The following VILL variants were observed in gnomAD, a reference collection of about 807,000 sequenced individuals.
VILL encodes villin-like protein.
Under a neutral mutation model 106.3 loss-of-function variants are expected in VILL, and 102 were observed. The observed-to-expected ratio is 0.96, with a 90% confidence interval of 0.82 to 1.13. The LOEUF (loss-of-function observed/expected upper bound fraction) is 1.13, where lower values mean the gene tolerates loss of function less well. VILL is among the 50% of genes most tolerant of loss of function. The pLI, the probability that VILL is intolerant of heterozygous loss-of-function variation, is 0.00. For synonymous variants in VILL, 431 were observed against 440.3 expected (o/e 0.98, Z 0.27); for missense variants, 1,076 against 1,116.6 (o/e 0.96, Z 0.52).
upstream of VILL, among the ~76,000 whole-genome samples, chr3:37,989,332 CG>C (rs1699583797): frequency 1.3e-5 from 2 of 152,070 alleles, no homozygotes; most frequent in South Asian, 4.1e-4. Context: ...GGGCAAGGTT[CG>C]GGGGAGTTGG....
In VILL at chr3:37,998,336, A is replaced by G; in HGVS notation, c.914A>G (p.Glu305Gly). The G allele has an allele frequency of 6.2e-7, 1 of 1,614,134 alleles. No homozygotes were observed. Among genetic ancestry groups the G allele is most frequent in the Non-Finnish European group, 8.5e-7 (1 of 1,179,996 alleles). ...CAGGGACGCATGTCTAGCCTCCAGG[A>G]GAGAAAGGCTGCCTTCAGCCGGGCT... ...VWQGRMSSLQ[E>G]RKAAFSRAVG... The change falls in exon 9 of 20, where the codon GAG becomes GGG. Residue 305 changes from glutamate (E) to glycine (G), a missense_variant. Transcript: ENST00000383759. This position sits in a 1 kb window ranked among gnomAD's most constrained non-coding sequence, Gnocchi z 4.1.
upstream of VILL, among the ~76,000 whole-genome samples, chr3:37,988,482 GT>G (rs1222759146): frequency 1.3e-5 from 2 of 152,208 alleles, no homozygotes; most frequent in African/African-American, 2.4e-5. Flanking sequence ...CAGAGTTTCC[GT>G]TTTGTAAGAT....
chr3:38,004,327 C>T lies in VILL; in HGVS notation c.1878C>T (p.Leu626=), dbSNP rs201627917. The stretch of plus-strand genomic sequence containing the variant: ...CCAGCCACATGGGCTGCCTGGTCCT[C>T]GCAGAAGTGGGGTTCTTCAGCCAGG... ...ECSSHMGCLV[L]AEVGFFSQED... is the part of the protein sequence containing the mutation. Residue 626 remains leucine, a synonymous_variant, in exon 16 of 20, where the codon CTC becomes CTT. Coordinates refer to ENST00000383759, the MANE Select transcript of VILL (RefSeq NM_015873.4). 86 of 1,613,950 alleles carry T rather than the reference C, an allele frequency of 5.3e-5. 1 individual carries two copies. The Middle Eastern group carries it at 1.5e-3, about 28-fold the overall frequency.
At chr3:37,999,211 AG>A in intron 10 of VILL, 127 bp from the exon 11 acceptor site, 1 of 1,110,914 alleles carries the variant, frequency 9.0e-7, no homozygotes. Flanking sequence ...GGATGAGGAA[AG>A]GGGCGTGGGC....
Position 37,997,531 on chromosome 3 carries a change from C to G in VILL, c.610C>G (p.Arg204Gly). 2.5e-6 allele frequency: 4 copies of G among 1,614,086 alleles called. No homozygotes were observed. Among genetic ancestry groups the G allele is most frequent in the Non-Finnish European group, 2.5e-6 (3 of 1,180,016 alleles). The stretch of plus-strand genomic sequence containing the variant: ...CCGGGACAGGGAACGTGGTGGTGGT[C>G]GTGCACAGATTGGTGTGGTGGATGA... Reference protein sequence around the residue: ...SLRDRERGGGRAQIGVVDDEA... With the variant: ...SLRDRERGGGGAQIGVVDDEA... The change falls in exon 7 of 20, where the codon CGT (arginine) becomes GGT (glycine). Residue 204 changes from arginine to glycine, a missense_variant. Arg to Gly is a moderately radical substitution (Grantham distance 125). Coordinates refer to ENST00000383759, the MANE Select transcript of VILL (RefSeq NM_015873.4). The surrounding 1 kb of genome is among the most constrained non-coding windows in gnomAD (Gnocchi z 4.7).
chr3:38,001,218 TG>T (rs759123997), intron 11 of VILL: 1 of 612,058 alleles, frequency 1.6e-6, no homozygotes, highest in Non-Finnish European at 2.8e-6. Flanking sequence ...TGGCTGGGAT[TG>T]GGCCCATCTC....
Position 38,001,692 on chromosome 3 carries a change from C to A in VILL, c.1321-10C>A, listed in dbSNP as rs1699819224. 1 of 1,614,132 alleles carries A rather than the reference C, an allele frequency of 6.2e-7. No homozygotes were observed. Among genetic ancestry groups the A allele is most frequent in the East Asian group, 2.2e-5 (1 of 44,882 alleles). On this transcript the variant is annotated splice_polypyrimidine_tract_variant and intron_variant, in intron 12 of 19. Coordinates refer to ENST00000383759, the MANE Select transcript of VILL (RefSeq NM_015873.4). Reference sequence around the variant, plus strand: ...TGGGCCAGGCCCTCACTCACTGCCCCCACCTGCAGGGCCACCAGGCCACTG... The same window carrying A: ...TGGGCCAGGCCCTCACTCACTGCCCACACCTGCAGGGCCACCAGGCCACTG...
At chr3:37,989,870 C>T (rs1699589165), upstream of VILL, among the ~76,000 whole-genome samples, 1 of 152,198 alleles carries the variant, frequency 6.6e-6, no homozygotes, top group African/African-American at 2.4e-5. Flanking sequence ...TGCATTGTGT[C>T]TGTTAAACAC....
Position 37,997,726 on chromosome 3 carries a change from C to A in VILL, c.764+41C>A. ...GTGGGCAGGGGTGGGTGGGACAGTC[C>A]AGGACTCTGTGTCCATCACTACTGC... On this transcript the variant is annotated intron_variant, in intron 7 of 19. Transcript: ENST00000383759. The surrounding 1 kb of genome is among the most constrained non-coding windows in gnomAD (Gnocchi z 4.7). 1 of 1,572,362 alleles carries A rather than the reference C, an allele frequency of 6.4e-7. No individual in the cohort carries two copies.
intron 5 of VILL, among the ~76,000 whole-genome samples, chr3:37,996,351 G>C (rs553219657): frequency 6.6e-6 from 1 of 152,074 alleles, no homozygotes; most frequent in African/African-American, 2.4e-5. Flanking sequence ...TGTTATCCCC[G>C]GGTGCTCCTC....
intron 16 of VILL, among the ~76,000 whole-genome samples, chr3:38,004,830 G>T (rs753341516): frequency 6.6e-6 from 1 of 152,204 alleles, no homozygotes; most frequent in Non-Finnish European, 1.5e-5. Flanking sequence ...CTTTGTCAGT[G>T]ACTGTGAGGT....
In VILL at chr3:38,004,286, C is replaced by T. The variant is rs199511365; in HGVS notation, c.1837C>T (p.Arg613Ter). The T allele has an allele frequency of 3.4e-5, 55 of 1,613,716 alleles. 1 individual carries two copies. The highest frequency in any genetic ancestry group is 3.1e-4 in the East Asian group (14 of 44,872). Reference sequence around the variant, plus strand: ...TGAGGAGGTCCCCAGCTTCCAGCCACGACTGTTTGAGTGCTCCAGCCACAT... The same window carrying T: ...TGAGGAGGTCCCCAGCTTCCAGCCATGACTGTTTGAGTGCTCCAGCCACAT... ...LPEEVPSFQP[R>*]LFECSSHMGC... is the part of the protein sequence containing the mutation. Residue 613 changes from arginine (R) to a stop codon, truncating the protein, a stop_gained, in exon 16 of 20, where the codon CGA becomes TGA. Coordinates refer to ENST00000383759, the MANE Select transcript of VILL (RefSeq NM_015873.4). LOFTEE classifies it high-confidence loss of function.
intron 10 of VILL, 104 bp from the exon 11 acceptor site, chr3:37,999,235 G>A: frequency 8.2e-7 from 1 of 1,216,618 alleles, no homozygotes; most frequent in Non-Finnish European, 1.1e-6. Context: ...CGGAGGACGC[G>A]GCGGGACCTG....
chr3:37,999,192 A>G lies in VILL; in HGVS notation c.1081+142A>G, dbSNP rs1699767344. 3.3e-6 allele frequency: 4 copies of G among 1,220,630 alleles called. No individual in the cohort carries two copies. In the South Asian group the frequency reaches 6.5e-5, roughly 20 times the overall value. The allele number at this position is 1,220,630 out of a possible 1,614,324, so 75.6% of individuals were successfully genotyped here. On this transcript the variant is annotated intron_variant, in intron 10 of 19. Transcript: ENST00000383759. ...GGGCCTGGTCTGCACGGGGCGGAAC[A>G]GAGCCTCAGGATGAGGAAAGGGGCG...
At chr3:37,994,133 C>T (rs775814558) in intron 3 of VILL, 128 bp from the exon 4 acceptor site, 3 of 1,398,078 alleles carry the variant, frequency 2.1e-6, no homozygotes, top group East Asian at 2.4e-5. Context: ...TAGTCCTTCC[C>T]TCCCACTTCC....
chr3:37,988,584 C>T (rs1260947759), upstream of VILL, among the ~76,000 whole-genome samples: 1 of 152,182 alleles, frequency 6.6e-6, no homozygotes, highest in Non-Finnish European at 1.5e-5. Flanking sequence ...GGATACAGGC[C>T]GGGCGTGGTG....
In VILL at chr3:37,997,624, C is replaced by T. The variant is rs368557605; in HGVS notation, c.703C>T (p.Arg235Cys). The T allele has an allele frequency of 2.9e-5, 44 of 1,516,400 alleles. No individual in the cohort carries two copies. The highest frequency in any genetic ancestry group is 8.1e-5 in the East Asian group (3 of 37,088). The allele number at this position is 1,516,400 out of a possible 1,614,324, so 93.9% of individuals were successfully genotyped here. A position where few individuals can be genotyped will look rare whatever the true frequency, so the allele number is the denominator to read the frequency against. Reference protein sequence around the residue: ...AVLGRRVGSLRAATPSKDINQ... With the variant: ...AVLGRRVGSLCAATPSKDINQ... ...GCTGGGCCGCAGGGTGGGCAGCCTG[C>T]GTGCCGCCACGCCCAGCAAGGATAT... Residue 235 changes from arginine to cysteine, a missense_variant, in exon 7 of 20, where the codon CGT becomes TGT. Arg to Cys is a radical substitution (Grantham distance 180, BLOSUM62 -3). Transcript: ENST00000383759. The surrounding 1 kb of genome is among the most constrained non-coding windows in gnomAD (Gnocchi z 4.7).
chr3:37,997,321 C>A lies in VILL; in HGVS notation c.561+134C>A. ...CCAAGAAACGCCTATGAGTTACAAG[C>A]TGAGTTCAGACCCTGCATTGTTGGT... On this transcript the variant is annotated intron_variant, in intron 6 of 19. Coordinates refer to ENST00000383759, the MANE Select transcript of VILL (RefSeq NM_015873.4). The surrounding 1 kb of genome is among the most constrained non-coding windows in gnomAD (Gnocchi z 4.7). 1 of 1,170,558 alleles carries A rather than the reference C, an allele frequency of 8.5e-7. No homozygotes were observed. Among genetic ancestry groups the A allele is most frequent in the Non-Finnish European group, 1.2e-6 (1 of 816,168 alleles). 72.5% of individuals were successfully genotyped at this position (1,170,558 alleles called of 1,614,324 possible).
chr3:38,000,447 GGA>G (rs566303280), intron 11 of VILL, among the ~76,000 whole-genome samples: 179 of 152,104 alleles, frequency 1.2e-3, no homozygotes, highest in Non-Finnish European at 1.7e-3. Flanking sequence ...GGAAGAGCAG[GGA>G]GAGAGGGGGT....
Sources: gnomAD v4.1 joint callset for allele counts (sites outside exome capture counted in the v4.1 genomes callset) on GRCh38, gnomAD v4.1.1 for gene constraint, Gnocchi (gnomAD v3.1) non-coding constraint, MANE v1.5 for transcripts, NCBI Gene and HGNC (gene_info 2026-07-23, HGNC 2026-07-21) for gene names.